The following SFR1 variants were observed in gnomAD, a reference collection of about 807,000 sequenced individuals.
SFR1 encodes swi5-dependent recombination DNA repair protein 1 homolog.
SFR1 carries 24 observed loss-of-function variants against 26.2 expected under a neutral mutation model. The observed-to-expected ratio is 0.92, with a 90% CI of 0.66 to 1.29. SFR1 has a LOEUF of 1.29. SFR1 is among the 50% of genes most tolerant of loss of function. The pLI is 0.00. For missense variants in SFR1, 276 were observed against 270.2 expected (o/e 1.02, Z -0.15); for synonymous variants, 77 against 96.6 (o/e 0.80, Z 1.19).
Position 104,123,023 on chromosome 10 carries a change from A to G in SFR1, c.72A>G (p.Leu24=). ...MESPSDSAVV[L]PSTPQASANP... ...GTCCGTCAGACTCAGCTGTGGTTTT[A>G]CCTAGCACTCCTCAGGCCTCTGCGA... Residue 24 remains leucine, a synonymous_variant, in exon 2 of 4, where the codon TTA becomes TTG. Coordinates refer to ENST00000369727, the MANE Select transcript of SFR1 (RefSeq NM_001002759.2). 1 of 1,613,724 alleles carries G rather than the reference A, an allele frequency of 6.2e-7. No individual in the cohort carries two copies. Among genetic ancestry groups the G allele is most frequent in the Non-Finnish European group, 8.5e-7 (1 of 1,179,898 alleles).
At position 104,122,971 on chromosome 10, in the gene SFR1, A is replaced by C. The variant is rs756813420; in HGVS notation, c.20A>C (p.Asn7Thr). 6.2e-7 allele frequency: 1 copy of C among 1,613,340 alleles called. No individual in the cohort carries two copies. The highest frequency in any genetic ancestry group is 1.1e-5 in the South Asian group (1 of 91,006). The change falls in exon 2 of 4, where the codon AAC becomes ACC. Residue 7 changes from asparagine (N) to threonine (T), a missense_variant. Coordinates refer to ENST00000369727, the MANE Select transcript of SFR1 (RefSeq NM_001002759.2). MAEGEK[N>T]QDFTFKMESP... ...TATAATTTTTCTTTTTTAGAGAAAA[A>C]CCAAGATTTCACTTTCAAGATGGAA...
upstream of SFR1, among the ~76,000 whole-genome samples, chr10:104,121,205 G>GT (rs2086957666): frequency 2.6e-5 from 4 of 152,136 alleles, 1 homozygote; most frequent in Admixed American, 2.6e-4. Context: ...ACAATCTCAT[G>GT]TAGTGATTGT....
At chr10:104,125,419 C>T in intron 3 of SFR1, 94 bp from the exon 4 acceptor site, 1 of 926,646 alleles carries the variant, frequency 1.1e-6, no homozygotes, top group Non-Finnish European at 1.7e-6. Flanking sequence ...TGTATGTTAG[C>T]CTTTAAACCT....
rs775057971 is a variant in SFR1, at chr10:104,125,719, T to C, written c.*15T>C. The C allele has an allele frequency of 3.3e-6, 5 of 1,526,744 alleles. No individual in the cohort carries two copies. In the South Asian group the frequency reaches 4.7e-5, roughly 14 times the overall value. 94.6% of individuals were successfully genotyped at this position (1,526,744 alleles called of 1,614,324 possible). On this transcript the variant is annotated 3_prime_UTR_variant, in exon 4 of 4. Transcript: ENST00000369727. ...TAGATGTTTAATTCCTGATTTTTGC[T>C]CCAGAATATCTTTGAGAATGACAAC...
chr10:104,121,539 C>G (rs1377098200), upstream of SFR1, among the ~76,000 whole-genome samples: 1 of 152,222 alleles, frequency 6.6e-6, no homozygotes, highest in African/African-American at 2.4e-5. Flanking sequence ...ACCCAACCAA[C>G]GCTGTTCTTT....
Position 104,125,751 on chromosome 10 carries a change from A to G in SFR1, c.*47A>G, listed in dbSNP as rs762402837. ...TATCTTTGAGAATGACAACTTAATT[A>G]AAAGATACTTAGGCACTTTTTTTTT... On this transcript the variant is annotated 3_prime_UTR_variant, in exon 4 of 4. Transcript: ENST00000369727. The G allele has an allele frequency of 7.3e-7, 1 of 1,374,588 alleles. No individual in the cohort carries two copies. The highest frequency in any genetic ancestry group is 1.3e-5 in the South Asian group (1 of 77,054). 85.1% of individuals were successfully genotyped at this position (1,374,588 alleles called of 1,614,324 possible). A position where few individuals can be genotyped will look rare whatever the true frequency, so the allele number is the denominator to read the frequency against.
chr10:104,120,721 C>T (rs2086952514), upstream of SFR1, among the ~76,000 whole-genome samples: 1 of 152,102 alleles, frequency 6.6e-6, no homozygotes. Context: ...GAAACTGAGG[C>T]ACAGAATCAC....
At chr10:104,120,785 AC>A (rs1432751652), upstream of SFR1, among the ~76,000 whole-genome samples, 1 of 152,170 alleles carries the variant, frequency 6.6e-6, no homozygotes, top group Non-Finnish European at 1.5e-5. Context: ...AGACAATTTG[AC>A]TGTAACGTGT....
chr10:104,122,479 G>C, intron 1 of SFR1: 2 of 985,416 alleles, frequency 2.0e-6, no homozygotes, highest in Middle Eastern at 5.2e-4. Flanking sequence ...CTACAGACGG[G>C]CTTAAATGCG....
Position 104,123,719 on chromosome 10 carries a change from G to T in SFR1, c.141G>T (p.Met47Ile), listed in dbSNP as rs775857748. ...PYTNSSRKQP[M>I]SATLRERLRK... ...ATGTTTTGTGCTCTTTATAGCCTAT[G>T]AGTGCAACACTTAGAGAAAGATTAA... Residue 47 changes from methionine (M) to isoleucine (I), a missense_variant, in exon 3 of 4, where the codon ATG becomes ATT. Transcript: ENST00000369727. 6 of 1,581,720 alleles carry T rather than the reference G, an allele frequency of 3.8e-6. No homozygotes were observed. The South Asian group carries it at 7.0e-5, about 19-fold the overall frequency.
intron 1 of SFR1, chr10:104,122,456 T>G: frequency 1.0e-6 from 1 of 985,438 alleles, no homozygotes; most frequent in Non-Finnish European, 1.2e-6. Context: ...TGTTGGCCGC[T>G]TAAACTAAAA....
chr10:104,121,929 A>C, upstream of SFR1: 54 of 306,002 alleles, frequency 1.8e-4, no homozygotes, highest in East Asian at 3.2e-4. Flanking sequence ...CTGGGCGGGG[A>C]GAGCCGCGCG....
upstream of SFR1, among the ~76,000 whole-genome samples, chr10:104,121,244 T>C (rs1179870013): frequency 6.6e-6 from 1 of 152,130 alleles, no homozygotes; most frequent in African/African-American, 2.4e-5. Flanking sequence ...CCACAACAAA[T>C]TTCCTTGGGC....
chr10:104,122,609 GCTT>G, intron 1 of SFR1: 1 of 985,412 alleles, frequency 1.0e-6, no homozygotes, highest in Non-Finnish European at 1.2e-6. Flanking sequence ...TTCGGCTATA[GCTT>G]CTTGAATTAT....
At chr10:104,122,149 C>T (rs759770603), upstream of SFR1, 10 of 1,547,010 alleles carry the variant, frequency 6.5e-6, no homozygotes, top group East Asian at 4.9e-5. Flanking sequence ...CGATTTACGG[C>T]CGCAGGTGCG....
In SFR1 at chr10:104,122,882, C is replaced by T. The variant is rs554933747; in HGVS notation, c.14-83C>T. 1.2e-4 allele frequency: 183 copies of T among 1,576,128 alleles called. 1 individual carries two copies. In the South Asian group the frequency reaches 1.9e-3, roughly 17 times the overall value. On this transcript the variant is annotated intron_variant, in intron 1 of 3. Coordinates refer to ENST00000369727, the MANE Select transcript of SFR1 (RefSeq NM_001002759.2). ...CTGGCTTACTTGTGGATGCTTTGTACACCAATACAATATATTATTTGATAA... is the reference window on the plus strand; with the variant it reads ...CTGGCTTACTTGTGGATGCTTTGTATACCAATACAATATATTATTTGATAA...
chr10:104,121,805 G>A (rs545443950), upstream of SFR1, among the ~76,000 whole-genome samples: 341 of 152,332 alleles, frequency 2.2e-3, no homozygotes, highest in African/African-American at 7.5e-3. Context: ...AGCCGCGAAC[G>A]GAAGCGCGCC....
At chr10:104,121,848 AG>A (rs1452555590), upstream of SFR1, among the ~76,000 whole-genome samples, 1 of 152,178 alleles carries the variant, frequency 6.6e-6, no homozygotes, top group Admixed American at 6.5e-5. Context: ...TCCGAAGCTC[AG>A]CCTCGCCCGC....
Position 104,125,948 on chromosome 10 carries a change from T to G in SFR1, c.*244T>G, listed in dbSNP as rs1223694936. 2 of 297,766 alleles carry G rather than the reference T, an allele frequency of 6.7e-6. No homozygotes were observed. Among genetic ancestry groups the G allele is most frequent in the African/African-American group, 4.4e-5 (2 of 45,208 alleles). The allele number at this position is 297,766 out of a possible 1,614,324, so 18.4% of individuals were successfully genotyped here. On this transcript the variant is annotated 3_prime_UTR_variant, in exon 4 of 4. Coordinates refer to ENST00000369727, the MANE Select transcript of SFR1 (RefSeq NM_001002759.2). The stretch of plus-strand genomic sequence containing the variant: ...GCCCGGCTAATTTTTGCATTTTTAG[T>G]AGAGACTGGGTTTCACCACGTTGGC...
Sources: gnomAD v4.1 joint callset for allele counts (sites outside exome capture counted in the v4.1 genomes callset) on GRCh38, gnomAD v4.1.1 for gene constraint, MANE v1.5 for transcripts, NCBI Gene and HGNC (gene_info 2026-07-23, HGNC 2026-07-21) for gene names.